The following SCAI variants were observed in gnomAD, a reference collection of about 807,000 sequenced individuals.
The protein encoded by SCAI is protein SCAI.
A neutral mutation model predicts 92.2 loss-of-function variants in SCAI; 24 were observed. The observed-to-expected ratio is 0.26, with a 90% CI of 0.19 to 0.37. The LOEUF (loss-of-function observed/expected upper bound fraction) is 0.37, where lower values mean the gene tolerates loss of function less well. Among genes scored for constraint, SCAI ranks in the 10% least tolerant of loss-of-function variants. SCAI has a pLI of 1.00. For missense variants in SCAI, 450 were observed against 736.2 expected (o/e 0.61, Z 4.50); for synonymous variants, 261 against 258.6 (o/e 1.01, Z -0.09).
intron 17 of SCAI, chr9:124,968,931 A>T (rs929823474): frequency 4.7e-6 from 2 of 426,186 alleles, no homozygotes; most frequent in South Asian, 3.7e-5. Flanking sequence ...AAATTTTTCC[A>T]ATTTATTTTT....
At chr9:125,031,667 C>T (rs1481238056) in intron 3 of SCAI, among the ~76,000 whole-genome samples, 2 of 152,074 alleles carry the variant, frequency 1.3e-5, no homozygotes, top group Non-Finnish European at 2.9e-5. Context: ...CATTTCTTTC[C>T]ATTTATGGTA....
Position 125,003,211 on chromosome 9 carries a change from G to C in SCAI, c.968C>G (p.Ser323Ter). The C allele has an allele frequency of 6.2e-7, 1 of 1,609,816 alleles. No homozygotes were observed. The highest frequency in any genetic ancestry group is 8.5e-7 in the Non-Finnish European group (1 of 1,176,184). ...TTCTCGTCTAGTAGGCTTGTCAGCTGATTCCTATATTTACACACAGAAAAC... is the reference window on the plus strand; with the variant it reads ...TTCTCGTCTAGTAGGCTTGTCAGCTCATTCCTATATTTACACACAGAAAAC... ...SQMNKPGMQESADKPTRRENP... is the reference protein window; with the variant it reads ...SQMNKPGMQE The change falls in exon 11 of 18, where the codon TCA becomes TGA. Residue 323 changes from serine (S) to a stop codon, truncating the protein, a stop_gained. Coordinates refer to ENST00000336505, the MANE Select transcript of SCAI (RefSeq NM_001144877.3). LOFTEE classifies it high-confidence loss of function.
chr9:125,099,469 A>T (rs1834634520), intron 2 of SCAI, among the ~76,000 whole-genome samples: 1 of 152,106 alleles, frequency 6.6e-6, no homozygotes, highest in Non-Finnish European at 1.5e-5. Flanking sequence ...TTTAGTAGAG[A>T]CAGGGTTTTG....
chr9:125,050,665 C>T (rs527389605), intron 3 of SCAI, among the ~76,000 whole-genome samples: 6 of 152,104 alleles, frequency 3.9e-5, no homozygotes, highest in East Asian at 1.9e-4. Context: ...TTCAAACCCC[C>T]GGGTTCAAGT....
In SCAI at chr9:124,976,336, C is replaced by T. The variant is rs1831753359; in HGVS notation, c.1327-150G>A. Reference sequence around the variant, plus strand: ...CATCAGCAACAGCTAAGGAGACTGCCATTCATATATAAGTACCATGCATAA... The same window carrying T: ...CATCAGCAACAGCTAAGGAGACTGCTATTCATATATAAGTACCATGCATAA... On this transcript the variant is annotated intron_variant, in intron 14 of 17. Coordinates refer to ENST00000336505, the MANE Select transcript of SCAI (RefSeq NM_001144877.3). 3 of 614,656 alleles carry T rather than the reference C, an allele frequency of 4.9e-6. No homozygotes were observed. The South Asian group carries it at 5.7e-5, about 12-fold the overall frequency. The allele number at this position is 614,656 out of a possible 1,614,324, so 38.1% of individuals were successfully genotyped here.
rs1174724841 is a variant in SCAI, at chr9:124,951,248, T to G, written c.*1559A>C. 1 of 152,258 alleles carries G rather than the reference T, an allele frequency of 6.6e-6. No individual in the cohort carries two copies. Among genetic ancestry groups the G allele is most frequent in the Non-Finnish European group, 1.5e-5 (1 of 68,140 alleles). 9.4% of individuals were successfully genotyped at this position (152,258 alleles called of 1,614,324 possible). A position where few individuals can be genotyped will look rare whatever the true frequency, so the allele number is the denominator to read the frequency against. ...ATAGCCAGGTGCGGTGGCTCACGCC[T>G]GTAATCCCAGCACTTTGGGAGGCTG... On this transcript the variant is annotated 3_prime_UTR_variant, in exon 18 of 18. Transcript: ENST00000336505.
At position 125,055,873 on chromosome 9, in the gene SCAI, C is replaced by T; in HGVS notation, c.230+3G>A. On this transcript the variant is annotated splice_donor_region_variant and intron_variant, in intron 3 of 17. Transcript: ENST00000336505. ...AAGTTCAAAACACCAAGAGTCCACT[C>T]ACCTTAACCCATTGAACAGTTGCTT... 2 of 1,600,096 alleles carry T rather than the reference C, an allele frequency of 1.2e-6. No individual in the cohort carries two copies. Among genetic ancestry groups the T allele is most frequent in the Non-Finnish European group, 1.7e-6 (2 of 1,175,786 alleles).
rs1832443103 is a variant in SCAI at position 125,004,750 on chromosome 9, TATATATATATA to T, written c.862-1191_862-1181del. Among the ~76,000 whole-genome samples the T allele has an allele frequency of 4.7e-4, 7 of 14,960 alleles. 2 individuals are homozygous for T. Among genetic ancestry groups the T allele is most frequent in the South Asian group, 6.8e-3 (2 of 292 alleles). The allele number at this position is 14,960 out of a possible 152,430, so 9.8% of individuals were successfully genotyped here. On this transcript the variant is annotated intron_variant, in intron 9 of 17. Coordinates refer to ENST00000336505, the MANE Select transcript of SCAI (RefSeq NM_001144877.3). ...ACTGTGATCCATATATATATATATA[TATATATATATA>T]TATATATATATATATATATTTTTTT...
chr9:124,976,296 A>G, intron 14 of SCAI, 110 bp from the exon 15 acceptor site: 1 of 706,456 alleles, frequency 1.4e-6, no homozygotes, highest in Non-Finnish European at 2.5e-6. Context: ...TTAAACTCAT[A>G]AATAGATGCA....
At chr9:124,991,300 C>T (rs550961845) in intron 14 of SCAI, among the ~76,000 whole-genome samples, 182 of 128,764 alleles carry the variant, frequency 1.4e-3, no homozygotes, top group African/African-American at 5.1e-3. Flanking sequence ...TGCAGTGAGC[C>T]GAGATCATGC....
intron 2 of SCAI, among the ~76,000 whole-genome samples, chr9:125,102,038 C>G (rs1834689837): frequency 6.6e-6 from 1 of 152,172 alleles, no homozygotes; most frequent in Non-Finnish European, 1.5e-5. Context: ...GGGATCACAT[C>G]ATTCCTTGAT....
At position 124,951,102 on chromosome 9, in the gene SCAI, A is replaced by G. The variant is rs1043131304; in HGVS notation, c.*1705T>C. The G allele has an allele frequency of 6.6e-6, 1 of 152,102 alleles. No homozygotes were observed. The highest frequency in any genetic ancestry group is 2.4e-5 in the African/African-American group (1 of 41,278). 9.4% of individuals were successfully genotyped at this position (152,102 alleles called of 1,614,324 possible). Reference sequence around the variant, plus strand: ...AAAGTAAAATACTCCCCAAGTCCCCAAACCCCAAAAACAGTAACTTTGGAC... The same window carrying G: ...AAAGTAAAATACTCCCCAAGTCCCCGAACCCCAAAAACAGTAACTTTGGAC... On this transcript the variant is annotated 3_prime_UTR_variant, in exon 18 of 18. Coordinates refer to ENST00000336505, the MANE Select transcript of SCAI (RefSeq NM_001144877.3).
intron 17 of SCAI, among the ~76,000 whole-genome samples, chr9:124,953,633 G>A (rs1263646626): frequency 1.3e-5 from 2 of 151,268 alleles, no homozygotes; most frequent in East Asian, 2.0e-4. Flanking sequence ...GCCTGGTCTC[G>A]AACTCCTGAA....
intron 17 of SCAI, among the ~76,000 whole-genome samples, chr9:124,959,747 C>G (rs1354679698): frequency 7.2e-6 from 1 of 138,504 alleles, no homozygotes; most frequent in Non-Finnish European, 1.5e-5. Flanking sequence ...CAAGTGTTCT[C>G]ATTGTTCAGT....
At chr9:124,998,745 CT>C (rs1267454150) in intron 13 of SCAI, among the ~76,000 whole-genome samples, 1 of 152,090 alleles carries the variant, frequency 6.6e-6, no homozygotes, top group Admixed American at 6.6e-5. Context: ...CCTCAGCCTC[CT>C]GAGTAGGTAG....
intron 2 of SCAI, among the ~76,000 whole-genome samples, chr9:125,063,742 T>C (rs912901588): frequency 6.6e-6 from 1 of 150,680 alleles, no homozygotes; most frequent in African/African-American, 2.4e-5. Context: ...CAGGTCAATA[T>C]ATCCCTTTTA....
chr9:125,143,421 C>A lies in SCAI; in HGVS notation c.17G>T (p.Arg6Leu). Residue 6 changes from arginine to leucine, a missense_variant, in exon 1 of 18, where the codon CGG (arginine) becomes CTG (leucine). Physicochemically the swap from Arg to Leu is moderately radical, Grantham distance 102. Transcript: ENST00000336505. MVRGA[R>L]QPQQPRSRLA... ...GCGACTCCGCGGCTGCTGGGGCTGC[C>A]GGGCTCCTCTGACCATCCGGCTCCT... 7.1e-7 allele frequency: 1 copy of A among 1,399,938 alleles called. No individual in the cohort carries two copies. Among genetic ancestry groups the A allele is most frequent in the South Asian group, 1.5e-5 (1 of 65,906 alleles). 86.7% of individuals were successfully genotyped at this position (1,399,938 alleles called of 1,614,324 possible).
At chr9:125,032,589 G>A (rs145183760) in intron 3 of SCAI, among the ~76,000 whole-genome samples, 12 of 150,120 alleles carry the variant, frequency 8.0e-5, no homozygotes, top group African/African-American at 2.9e-4. Context: ...CTCAATGGAA[G>A]GAGAAAACCT....
intron 7 of SCAI, among the ~76,000 whole-genome samples, chr9:125,019,525 T>A (rs1334248685): frequency 1.3e-5 from 2 of 152,042 alleles, no homozygotes; most frequent in Non-Finnish European, 2.9e-5. Context: ...TGAGGCTGGA[T>A]GCAGTATCTC....
Sources: allele counts gnomAD v4.1 joint callset (sites outside exome capture counted in the v4.1 genomes callset), GRCh38; gene constraint gnomAD v4.1.1; transcripts MANE v1.5; gene names NCBI Gene and HGNC (gene_info 2026-07-23, HGNC 2026-07-21).